MCM2: variants seen among roughly 807,000 people sequenced by gnomAD.
MCM2 encodes minichromosome maintenance complex component 2.
A neutral mutation model predicts 86.4 loss-of-function variants in MCM2; 49 were observed. The ratio of observed to expected loss-of-function variants is 0.57; its 90% confidence interval spans 0.45 to 0.72. The LOEUF (loss-of-function observed/expected upper bound fraction) is 0.72. Among genes scored for constraint, MCM2 ranks in the 30% least tolerant of loss-of-function variants. The pLI is 0.00. For missense variants in MCM2, 1,038 were observed against 1,259.9 expected, an observed-to-expected ratio of 0.82 and a Z score of 2.67; for synonymous variants, 475 against 484.6, an observed-to-expected ratio of 0.98 and a Z score of 0.26.
In MCM2 at chr3:127,608,516, A is replaced by G; in HGVS notation, c.1236A>G (p.Ile412Met). Residue 412 changes from isoleucine (I) to methionine (M), a missense_variant and splice_region_variant, in exon 7 of 16, where the codon ATA becomes ATG. Physicochemically the swap from Ile to Met is conservative, Grantham distance 10 (BLOSUM62 1). Around this residue, in one of 4 missense-constraint regions of MCM2, gnomAD observed 399 missense variants for 507.2 expected, o/e 0.79. Transcript: ENST00000265056. The part of the protein sequence containing the change: ...LVDSCKPGDE[I>M]ELTGIYHNNY... ...ACAGCTGCAAGCCAGGAGACGAGATAGTAAGTGGCCGGGGCAGGCTGGGAG... is the reference window on the plus strand; with the variant it reads ...ACAGCTGCAAGCCAGGAGACGAGATGGTAAGTGGCCGGGGCAGGCTGGGAG... 1 of 1,614,130 alleles carries G rather than the reference A, an allele frequency of 6.2e-7. No individual in the cohort carries two copies. Among genetic ancestry groups the G allele is most frequent in the South Asian group, 1.1e-5 (1 of 91,080 alleles).
At chr3:127,612,077 C>G (rs1378344848) in intron 8 of MCM2, among the ~76,000 whole-genome samples, 2 of 152,164 alleles carry the variant, frequency 1.3e-5, no homozygotes, top group Non-Finnish European at 2.9e-5. Flanking sequence ...ACATAGAAAT[C>G]CGGATGCTTT....
At chr3:127,601,923 T>C (rs998665755) in intron 2 of MCM2, among the ~76,000 whole-genome samples, 1 of 152,216 alleles carries the variant, frequency 6.6e-6, no homozygotes, top group African/African-American at 2.4e-5. Flanking sequence ...GAACATCTTT[T>C]CGTATGCTTG....
At position 127,620,535 on chromosome 3, in the gene MCM2, AG is replaced by A. The variant is rs2074468354; in HGVS notation, c.2266-161del. Among the ~76,000 whole-genome samples, 3 of 152,250 alleles carry A rather than the reference AG, an allele frequency of 2.0e-5. No homozygotes were observed. The South Asian group carries it at 6.2e-4, about 31-fold the overall frequency. ...GCATCCTCTGATTTCCAGGAGGGATAGGAAGTGTGCATTCACTGGGCAGCGC... is the reference window on the plus strand; with the variant it reads ...GCATCCTCTGATTTCCAGGAGGGATAGAAGTGTGCATTCACTGGGCAGCGC... On this transcript the variant is annotated intron_variant, in intron 13 of 15. Transcript: ENST00000265056.
Position 127,606,559 on chromosome 3 carries a change from G to A in MCM2, c.894-51G>A, listed in dbSNP as rs1357078564. On this transcript the variant is annotated intron_variant, in intron 5 of 15. Transcript: ENST00000265056. The surrounding 1 kb of genome is among the most constrained non-coding windows in gnomAD (Gnocchi z 4.2). ...GTGTGTTGGGACACTCTCGTCTGCA[G>A]CCTGGCCTCACCCTGGCTCACGGCT... 1.9e-6 allele frequency: 3 copies of A among 1,545,510 alleles called. No individual in the cohort carries two copies. Among genetic ancestry groups the A allele is most frequent in the Admixed American group, 1.7e-5 (1 of 59,736 alleles).
In MCM2 at chr3:127,617,975, G is replaced by A. The variant is rs768322698; in HGVS notation, c.1907G>A (p.Arg636His). The A allele has an allele frequency of 1.3e-5, 21 of 1,612,928 alleles. No homozygotes were observed. Among genetic ancestry groups the A allele is most frequent in the African/African-American group, 2.7e-5 (2 of 74,894 alleles). ...VIAAANPIGG[R>H]YDPSLTFSEN... ...GTGCTCCCCTGTGTTTCAGGAGGGC[G>A]CTACGACCCCTCGCTGACTTTCTCT... The change falls in exon 12 of 16, where the codon CGC (arginine) becomes CAC (histidine). Residue 636 changes from arginine (R) to histidine (H), a missense_variant. Physicochemically the swap from Arg to His is conservative, Grantham distance 29. Coordinates refer to ENST00000265056, the MANE Select transcript of MCM2 (RefSeq NM_004526.4). The surrounding 1 kb of genome is among the most constrained non-coding windows in gnomAD (Gnocchi z 4.1).
Position 127,617,997 on chromosome 3 carries a change from C to A in MCM2, c.1929C>A (p.Phe643Leu). 1.2e-6 allele frequency: 2 copies of A among 1,614,084 alleles called. No individual in the cohort carries two copies. Among genetic ancestry groups the A allele is most frequent in the Non-Finnish European group, 1.7e-6 (2 of 1,179,998 alleles). The change falls in exon 12 of 16, where the codon TTC becomes TTA. Residue 643 changes from phenylalanine to leucine, a missense_variant. Around this residue, in one of 4 missense-constraint regions of MCM2, gnomAD observed 336 missense variants for 425.7 expected, o/e 0.79. Coordinates refer to ENST00000265056, the MANE Select transcript of MCM2 (RefSeq NM_004526.4). The surrounding 1 kb of genome is among the most constrained non-coding windows in gnomAD (Gnocchi z 4.1). ...GGCGCTACGACCCCTCGCTGACTTT[C>A]TCTGAGAACGTGGACCTCACAGAGC... ...IGGRYDPSLTFSENVDLTEPI... is the reference protein window; with the variant it reads ...IGGRYDPSLTLSENVDLTEPI...
chr3:127,606,820 G>A lies in MCM2; in HGVS notation c.1101+3G>A, dbSNP rs577460557. The A allele has an allele frequency of 1.9e-6, 3 of 1,614,120 alleles. No homozygotes were observed. Among genetic ancestry groups the A allele is most frequent in the Non-Finnish European group, 2.5e-6 (3 of 1,179,998 alleles). ...CCTTTGAGGTCAACATGGAGGAGGT[G>A]AGAGAGGACACAAGGTCTGCTGCCA... On this transcript the variant is annotated splice_donor_region_variant and intron_variant, in intron 6 of 15. Coordinates refer to ENST00000265056, the MANE Select transcript of MCM2 (RefSeq NM_004526.4). The surrounding 1 kb of genome is among the most constrained non-coding windows in gnomAD (Gnocchi z 4.2).
Position 127,619,117 on chromosome 3 carries a change from G to A in MCM2, c.2104G>A (p.Ala702Thr). 2 of 1,613,426 alleles carry A rather than the reference G, an allele frequency of 1.2e-6. No homozygotes were observed. Among genetic ancestry groups the A allele is most frequent in the Non-Finnish European group, 1.7e-6 (2 of 1,179,852 alleles). The change falls in exon 13 of 16, where the codon GCT becomes ACT. Residue 702 changes from alanine to threonine, a missense_variant. This residue lies in a region of MCM2 where 336 missense variants were observed against 425.7 expected (regional missense o/e 0.79). Coordinates refer to ENST00000265056, the MANE Select transcript of MCM2 (RefSeq NM_004526.4). ...EEEGLANGSAAEPAMPNTYGV... is the reference protein window; with the variant it reads ...EEEGLANGSATEPAMPNTYGV... ...GGAGGGGCTGGCCAATGGCAGCGCT[G>A]CTGAGCCCGCCATGCCCAACACGTA...
At chr3:127,620,063 T>C (rs1011445728) in intron 13 of MCM2, among the ~76,000 whole-genome samples, 2 of 152,238 alleles carry the variant, frequency 1.3e-5, no homozygotes, top group Non-Finnish European at 2.9e-5. Flanking sequence ...TAAATGTGCA[T>C]TCATTTGTCT....
chr3:127,606,185 C>T lies in MCM2; in HGVS notation c.741C>T (p.Phe247=). The part of the protein sequence containing the change: ...LAAREHVLAY[F]LPEAPAELLQ... The stretch of plus-strand genomic sequence containing the variant: ...CCAGGGAGCACGTGCTGGCCTACTT[C>T]CTGCCTGAGGCACCGGCGGAGCTGC... Residue 247 remains phenylalanine (F), a synonymous_variant, in exon 5 of 16, where the codon TTC becomes TTT. Transcript: ENST00000265056. This position sits in a 1 kb window ranked among gnomAD's most constrained non-coding sequence, Gnocchi z 4.2. 1 of 1,614,246 alleles carries T rather than the reference C, an allele frequency of 6.2e-7. No homozygotes were observed.
chr3:127,607,271 T>C (rs2074358773), intron 6 of MCM2, among the ~76,000 whole-genome samples: 1 of 152,176 alleles, frequency 6.6e-6, no homozygotes, highest in Non-Finnish European at 1.5e-5. Flanking sequence ...TCCTGCACCA[T>C]ATTCAGGAGA....
At chr3:127,616,638 T>G (rs1275715771) in intron 9 of MCM2, among the ~76,000 whole-genome samples, 3 of 152,264 alleles carry the variant, frequency 2.0e-5, no homozygotes, top group Non-Finnish European at 4.4e-5. Context: ...GTTTCTGATA[T>G]TTCACATTCG....
chr3:127,621,686 CCT>C lies in MCM2; in HGVS notation c.2633_2634del (p.Ser878CysfsTer4), dbSNP rs1465947013. 3 of 1,613,908 alleles carry C rather than the reference CCT, an allele frequency of 1.9e-6. No individual in the cohort carries two copies. The highest frequency in any genetic ancestry group is 1.7e-6 in the Non-Finnish European group (2 of 1,179,842). Reference sequence around the variant, plus strand: ...AGGCTCGTCAGATCAACATCCACAACCTCTCTGCATTTTATGACAGTGAGCTC... The same window carrying C: ...AGGCTCGTCAGATCAACATCCACAACCTCTGCATTTTATGACAGTGAGCTC... Reference protein sequence around the residue: ...DKARQINIHNLSAFYDSELFR... With the variant: ...DKARQINIHNXSAFYDSELFR... On this transcript the variant is annotated frameshift_variant, in exon 16 of 16. Transcript: ENST00000265056. LOFTEE classifies it high-confidence loss of function.
At chr3:127,611,687 T>TG (rs1559864715) in intron 8 of MCM2, among the ~76,000 whole-genome samples, 3 of 57,772 alleles carry the variant, frequency 5.2e-5, no homozygotes, top group African/African-American at 2.0e-4. Context: ...GCTGACTTTT[T>TG]TTTTTTTTTT....
rs1344114578 is a variant in MCM2 at position 127,606,794 on chromosome 3, C to T, written c.1078C>T (p.Pro360Ser). The T allele has an allele frequency of 6.2e-7, 1 of 1,614,086 alleles. No homozygotes were observed. The highest frequency in any genetic ancestry group is 8.5e-7 in the Non-Finnish European group (1 of 1,180,054). Residue 360 changes from proline (P) to serine (S), a missense_variant, in exon 6 of 16, where the codon CCC becomes TCC. Coordinates refer to ENST00000265056, the MANE Select transcript of MCM2 (RefSeq NM_004526.4). This position sits in a 1 kb window ranked among gnomAD's most constrained non-coding sequence, Gnocchi z 4.2. ...GSCPECQSAG[P>S]FEVNMEETIY... ...CTGTCCTGAGTGCCAGTCGGCCGGC[C>T]CCTTTGAGGTCAACATGGAGGAGGT...
At chr3:127,599,095 C>T in intron 1 of MCM2, 1 of 585,040 alleles carries the variant, frequency 1.7e-6, no homozygotes, top group East Asian at 2.9e-5. Flanking sequence ...TTTGAGCTGG[C>T]TTCTATTTGT....
chr3:127,601,785 A>G (rs555369527), intron 2 of MCM2, among the ~76,000 whole-genome samples: 2 of 152,362 alleles, frequency 1.3e-5, no homozygotes, highest in African/African-American at 4.8e-5. Flanking sequence ...CAGCTGCACT[A>G]TCTTGCATTC....
intron 4 of MCM2, among the ~76,000 whole-genome samples, chr3:127,605,772 T>C (rs961797966): frequency 2.0e-5 from 3 of 152,206 alleles, no homozygotes; most frequent in African/African-American, 7.2e-5. Flanking sequence ...CATGTAGATC[T>C]TGATTCCTGC....
chr3:127,608,610 AG>A, intron 7 of MCM2, 94 bp downstream of exon 7: 1 of 1,515,862 alleles, frequency 6.6e-7, no homozygotes, highest in South Asian at 1.2e-5. Flanking sequence ...CTATGGTCGC[AG>A]GGGCACTCGG....
Sources: gnomAD v4.1 joint callset for allele counts (sites outside exome capture counted in the v4.1 genomes callset) on GRCh38, gnomAD v4.1.1 for gene constraint, gnomAD v4.1.1 regional missense constraint, Gnocchi (gnomAD v3.1) non-coding constraint, MANE v1.5 for transcripts, NCBI Gene and HGNC (gene_info 2026-07-23, HGNC 2026-07-21) for gene names.